TENM3: variants seen among roughly 807,000 people sequenced by gnomAD.
The protein encoded by TENM3 is teneurin transmembrane protein 3, also known as teneurin-3.
Under a neutral mutation model 255.1 loss-of-function variants are expected in TENM3, and 63 were observed. The ratio of observed to expected loss-of-function variants is 0.25; its 90% CI spans 0.20 to 0.30. The LOEUF (loss-of-function observed/expected upper bound fraction) is 0.30, where lower values mean the gene tolerates loss of function less well. TENM3 is among the 10% of genes least tolerant of loss of function. TENM3 has a pLI of 1.00. For synonymous variants in TENM3, 1,306 were observed against 1,322.3 expected (o/e 0.99, Z 0.27); for missense variants, 2,929 against 3,461.1 (o/e 0.85, Z 3.86).
intron 24 of TENM3, among the ~76,000 whole-genome samples, chr4:182,782,933 T>C (rs1765296238): frequency 6.6e-6 from 1 of 151,684 alleles, no homozygotes; most frequent in Non-Finnish European, 1.5e-5. Flanking sequence ...TCCTTTTATT[T>C]TGAGCCTATG....
the TENM3 span, among the ~76,000 whole-genome samples, chr4:181,549,037 T>A: frequency 6.6e-6 from 1 of 152,148 alleles, no homozygotes; most frequent in South Asian, 2.1e-4. Context: ...TGGTAACACA[T>A]TCTTCACAAA....
the TENM3 span, among the ~76,000 whole-genome samples, chr4:181,772,205 C>G: frequency 6.6e-6 from 1 of 151,874 alleles, no homozygotes; most frequent in Non-Finnish European, 1.5e-5. Flanking sequence ...TGGTGAAACA[C>G]CGTCTCTACT....
chr4:182,278,665 CAAAA>C (rs532591080), intron 1 of TENM3, among the ~76,000 whole-genome samples: 4 of 93,098 alleles, frequency 4.3e-5, no homozygotes, highest in African/African-American at 3.3e-5. Context: ...CCCCAGTGTG[CAAAA>C]AAAAAAAAAA....
intron 1 of TENM3, among the ~76,000 whole-genome samples, chr4:182,149,022 T>C (rs1397365266): frequency 6.6e-6 from 1 of 151,978 alleles, no homozygotes; most frequent in East Asian, 1.9e-4. Flanking sequence ...GTAGTATATA[T>C]GATTTCTAAA....
At chr4:182,274,223 C>T (rs754102400) in intron 1 of TENM3, among the ~76,000 whole-genome samples, 4 of 152,220 alleles carry the variant, frequency 2.6e-5, no homozygotes, top group Non-Finnish European at 4.4e-5. Context: ...AGGTAATTCA[C>T]ACAAGCTACA....
the TENM3 span, among the ~76,000 whole-genome samples, chr4:182,057,356 C>A: frequency 1.3e-5 from 2 of 150,954 alleles, no homozygotes; most frequent in African/African-American, 4.9e-5. Context: ...GAAGTTATAT[C>A]CACTTAGACC....
intron 3 of TENM3, among the ~76,000 whole-genome samples, chr4:182,427,318 G>A (rs1217922121): frequency 6.6e-6 from 1 of 152,156 alleles, no homozygotes; most frequent in Non-Finnish European, 1.5e-5. Context: ...CCAGAATACA[G>A]AGGGAAAACT....
intron 1 of TENM3, among the ~76,000 whole-genome samples, chr4:182,172,935 C>A (rs1368407955): frequency 6.6e-6 from 1 of 152,132 alleles, no homozygotes; most frequent in African/African-American, 2.4e-5. Context: ...ACAGTTCTTT[C>A]TTACATACCA....
chr4:181,967,006 G>GCTCT, the TENM3 span, among the ~76,000 whole-genome samples: 2 of 145,154 alleles, frequency 1.4e-5, no homozygotes, highest in South Asian at 4.4e-4. Context: ...TCTCTCTCTC[G>GCTCT]CTCTCTCTCT....
the TENM3 span, among the ~76,000 whole-genome samples, chr4:182,119,388 T>C: frequency 2.0e-5 from 3 of 152,122 alleles, no homozygotes; most frequent in African/African-American, 7.2e-5. Flanking sequence ...CCGTGGAGTT[T>C]TTATCTCTCA....
At chr4:182,649,803 T>C (rs1341926147) in intron 5 of TENM3, among the ~76,000 whole-genome samples, 1 of 150,350 alleles carries the variant, frequency 6.7e-6, no homozygotes, top group Non-Finnish European at 1.5e-5. Flanking sequence ...TGCCCCAGCC[T>C]GCAGTGTCTT....
the TENM3 span, among the ~76,000 whole-genome samples, chr4:181,605,717 A>C: frequency 3.9e-5 from 6 of 152,186 alleles, no homozygotes; most frequent in African/African-American, 1.2e-4. Flanking sequence ...GTACTAGAAA[A>C]GTACTAGAAT....
In TENM3 at chr4:182,312,349, G is replaced by A. The variant is rs58159390; in HGVS notation, c.-75-11597G>A. On this transcript the variant is annotated intron_variant, in intron 1 of 27. Coordinates refer to ENST00000511685, the MANE Select transcript of TENM3 (RefSeq NM_001080477.4). ...CGTACTCCAGCCTGGGCAGCAGAGC[G>A]AGACCCTGTCTCAAAAAATAAAGAA... 6.2e-3 allele frequency among the ~76,000 whole-genome samples: 946 copies of A among 152,244 alleles called. 12 individuals are homozygous for A. Among genetic ancestry groups the A allele is most frequent in the African/African-American group, 0.022 (899 of 41,540 alleles).
At chr4:181,678,284 G>A in the TENM3 span, among the ~76,000 whole-genome samples, 2 of 152,088 alleles carry the variant, frequency 1.3e-5, no homozygotes, top group Non-Finnish European at 2.9e-5. Flanking sequence ...TTTGTGGGAA[G>A]ACTTGCTTTA....
At chr4:181,468,227 T>C in the TENM3 span, among the ~76,000 whole-genome samples, 3 of 152,022 alleles carry the variant, frequency 2.0e-5, no homozygotes, top group Non-Finnish European at 2.9e-5. Context: ...TGAGGCATGA[T>C]TGCACCACTG....
At chr4:182,785,357 C>T (rs1579502243) in intron 24 of TENM3, among the ~76,000 whole-genome samples, 1 of 151,908 alleles carries the variant, frequency 6.6e-6, no homozygotes, top group Non-Finnish European at 1.5e-5. Context: ...CAGACATGAG[C>T]CACCCCTCCC....
At chr4:182,652,770 AAAT>A (rs1222445850) in intron 5 of TENM3, among the ~76,000 whole-genome samples, 1 of 152,034 alleles carries the variant, frequency 6.6e-6, no homozygotes, top group African/African-American at 2.4e-5. Flanking sequence ...ACAGTAAGTA[AAAT>A]AATGTCTAAA....
chr4:182,763,772 T>G (rs11727669), intron 22 of TENM3, among the ~76,000 whole-genome samples: 60,307 of 151,988 alleles, frequency 0.4, 13,617 homozygotes, highest in East Asian at 0.75. Context: ...CAAAAAATAT[T>G]CAGGATGACT....
intron 3 of TENM3, among the ~76,000 whole-genome samples, chr4:182,443,253 T>TAG (rs1425218655): frequency 6.6e-6 from 1 of 152,106 alleles, no homozygotes; most frequent in Non-Finnish European, 1.5e-5. Context: ...TTGCCAAGCA[T>TAG]AGACACATAC....
Sources: allele counts gnomAD v4.1 joint callset (sites outside exome capture counted in the v4.1 genomes callset), GRCh38; gene constraint gnomAD v4.1.1; transcripts MANE v1.5; gene names NCBI Gene and HGNC (gene_info 2026-07-23, HGNC 2026-07-21).